The following CLPB variants were observed in gnomAD, a reference collection of about 807,000 sequenced individuals.
CLPB encodes the protein ClpB family mitochondrial disaggregase, also known as mitochondrial disaggregase.
Under a neutral mutation model 78.4 loss-of-function variants are expected in CLPB, and 40 were observed. The observed-to-expected ratio is 0.51, with a 90% confidence interval of 0.40 to 0.66. The LOEUF (loss-of-function observed/expected upper bound fraction) is 0.66, where lower values mean the gene tolerates loss of function less well. Among genes scored for constraint, CLPB ranks in the 30% least tolerant of loss-of-function variants. The pLI, the probability that CLPB is intolerant of heterozygous loss-of-function variation, is 0.00. For synonymous variants in CLPB, 333 were observed against 348.0 expected, an observed-to-expected ratio of 0.96 and a Z score of 0.48; for missense variants, 780 against 886.9, an observed-to-expected ratio of 0.88 and a Z score of 1.53.
chr11:72,397,278 A>G (rs1488863533), intron 3 of CLPB, among the ~76,000 whole-genome samples: 1 of 152,200 alleles, frequency 6.6e-6, no homozygotes, highest in African/African-American at 2.4e-5. Flanking sequence ...TCACCAGTTG[A>G]TGGACATTGC....
chr11:72,417,628 A>AT (rs1367583304), intron 2 of CLPB, among the ~76,000 whole-genome samples: 1 of 152,220 alleles, frequency 6.6e-6, no homozygotes, highest in Non-Finnish European at 1.5e-5. Flanking sequence ...AGAAAAAAGA[A>AT]TGAATGTATA....
At chr11:72,392,772 T>C (rs1476807748) in intron 3 of CLPB, among the ~76,000 whole-genome samples, 1 of 152,158 alleles carries the variant, frequency 6.6e-6, no homozygotes, top group African/African-American at 2.4e-5. Flanking sequence ...TACCCAAATG[T>C]ACACATTAAA....
At position 72,288,211 on chromosome 11, in the gene CLPB, G is replaced by C. The variant is rs1949412604; in HGVS notation, c.*5156C>G. On this transcript the variant is annotated 3_prime_UTR_variant, in exon 16 of 16. Coordinates refer to ENST00000538039, the MANE Select transcript of CLPB (RefSeq NM_001258392.3). ...ATCCTCAATAAGGAATTTGGGGCCG[G>C]GTACAGTCGTTGACGCTTGTAATCT... is the stretch of plus-strand genomic sequence containing the variant. 6.6e-6 allele frequency: 1 copy of C among 152,150 alleles called. No homozygotes were observed. The highest frequency in any genetic ancestry group is 2.1e-4 in the South Asian group (1 of 4,826). 9.4% of individuals were successfully genotyped at this position (152,150 alleles called of 1,614,324 possible).
intron 3 of CLPB, among the ~76,000 whole-genome samples, chr11:72,400,161 G>T (rs1855520269): frequency 6.6e-6 from 1 of 152,138 alleles, no homozygotes; most frequent in South Asian, 2.1e-4. Context: ...TGTGGGCAGG[G>T]ATCTTTGTTT....
intron 2 of CLPB, among the ~76,000 whole-genome samples, chr11:72,426,866 C>A (rs754016280): frequency 4.1e-4 from 63 of 152,170 alleles, no homozygotes; most frequent in Non-Finnish European, 7.6e-4. Context: ...TCCAACCTGA[C>A]CTCCAGCTTC....
intron 5 of CLPB, among the ~76,000 whole-genome samples, chr11:72,338,937 A>G (rs998045761): frequency 4.6e-5 from 7 of 152,282 alleles, no homozygotes; most frequent in African/African-American, 1.7e-4. Context: ...CTGTGGTCAC[A>G]ATGGAGAAAT....
At chr11:72,359,259 A>G in intron 4 of CLPB, 1 of 634,788 alleles carries the variant, frequency 1.6e-6, no homozygotes, top group Non-Finnish European at 2.9e-6. Flanking sequence ...TAGATCAGAT[A>G]AGGTCCCTGA....
At chr11:72,385,260 G>C (rs780444312) in intron 3 of CLPB, among the ~76,000 whole-genome samples, 14 of 152,090 alleles carry the variant, frequency 9.2e-5, no homozygotes, top group Non-Finnish European at 5.9e-5. Flanking sequence ...TATGACCAGA[G>C]GCAGGGACTC....
At chr11:72,369,511 G>C (rs569012562) in intron 4 of CLPB, among the ~76,000 whole-genome samples, 9 of 151,232 alleles carry the variant, frequency 6.0e-5, no homozygotes, top group African/African-American at 2.2e-4. Context: ...GCAGCTCTTT[G>C]CCTCTCGGCA....
chr11:72,293,441 C>G lies in CLPB; in HGVS notation c.1960G>C (p.Asp654His). 2.5e-6 allele frequency: 4 copies of G among 1,614,136 alleles called. No individual in the cohort carries two copies. Among genetic ancestry groups the G allele is most frequent in the Middle Eastern group, 1.7e-4 (1 of 6,060 alleles). The change falls in exon 16 of 16, where the codon GAC becomes CAC. Residue 654 changes from aspartate (D) to histidine (H), a missense_variant. This residue lies in a region of CLPB where 272 missense variants were observed against 304.0 expected (regional missense o/e 0.89). Coordinates refer to ENST00000538039, the MANE Select transcript of CLPB (RefSeq NM_001258392.3). ...AGTCTGCGAGTCTTGCTGTCCTTGTCGATGATCTCCAGACGCAGCTTGGGG... is the reference window on the plus strand; with the variant it reads ...AGTCTGCGAGTCTTGCTGTCCTTGTGGATGATCTCCAGACGCAGCTTGGGG... ...RLPKLRLEIIDKDSKTRRLDI... is the reference protein window; with the variant it reads ...RLPKLRLEIIHKDSKTRRLDI...
rs187846751 is a variant in CLPB at position 72,307,183 on chromosome 11, A to C, written c.1122+16T>G. On this transcript the variant is annotated intron_variant, in intron 9 of 15. Transcript: ENST00000538039. ...TCTCCACGATCTGCAGATCAGACCTAGGTCCCAGTTCTTACCTTTTTAGCA... is the reference window on the plus strand; with the variant it reads ...TCTCCACGATCTGCAGATCAGACCTCGGTCCCAGTTCTTACCTTTTTAGCA... 6.2e-6 allele frequency: 10 copies of C among 1,612,742 alleles called. No homozygotes were observed. Among genetic ancestry groups the C allele is most frequent in the Non-Finnish European group, 8.5e-6 (10 of 1,178,786 alleles).
At chr11:72,406,740 CAT>C (rs1324292195) in intron 2 of CLPB, among the ~76,000 whole-genome samples, 2 of 152,216 alleles carry the variant, frequency 1.3e-5, no homozygotes, top group Non-Finnish European at 2.9e-5. Context: ...ATTCAGCAAA[CAT>C]GTGCACACAC....
intron 3 of CLPB, among the ~76,000 whole-genome samples, chr11:72,390,900 C>T (rs72970611): frequency 0.013 from 1,912 of 152,268 alleles, 22 homozygotes; most frequent in Non-Finnish European, 0.018. Flanking sequence ...TGGGGAGTTG[C>T]GGGCCATCAA....
chr11:72,359,978 G>A (rs1393348686), intron 4 of CLPB, among the ~76,000 whole-genome samples: 3 of 152,154 alleles, frequency 2.0e-5, no homozygotes, highest in African/African-American at 7.2e-5. Flanking sequence ...TACCCAGGGT[G>A]GTCCTGGTTT....
In CLPB at chr11:72,332,358, A is replaced by C. The variant is rs571023648; in HGVS notation, c.776-2554T>G. Among the ~76,000 whole-genome samples, 3 of 151,482 alleles carry C rather than the reference A, an allele frequency of 2.0e-5. No homozygotes were observed. The East Asian group carries it at 5.8e-4, about 29-fold the overall frequency. ...AAAAAAATTAGCCAGGCATGGGGGC[A>C]CATGCCCGTAATCCCAGCTACTCGG... is the stretch of plus-strand genomic sequence containing the variant. On this transcript the variant is annotated intron_variant, in intron 5 of 15. Transcript: ENST00000538039.
rs533062619 is a variant in CLPB at position 72,357,698 on chromosome 11, C to T, written c.775+1182G>A. Reference sequence around the variant, plus strand: ...GCAACAAAAGCAAAACTCCGTGTCCCAGAAAAAAAAAAAAAAAAAAAAAAA... The same window carrying T: ...GCAACAAAAGCAAAACTCCGTGTCCTAGAAAAAAAAAAAAAAAAAAAAAAA... On this transcript the variant is annotated intron_variant, in intron 5 of 15. Coordinates refer to ENST00000538039, the MANE Select transcript of CLPB (RefSeq NM_001258392.3). Among the ~76,000 whole-genome samples the T allele has an allele frequency of 7.0e-5, 7 of 99,300 alleles. No homozygotes were observed. In the East Asian group the frequency reaches 1.8e-3, roughly 26 times the overall value. 65.1% of individuals were successfully genotyped at this position (99,300 alleles called of 152,430 possible). A position where few individuals can be genotyped will look rare whatever the true frequency, so the allele number is the denominator to read the frequency against.
intron 7 of CLPB, among the ~76,000 whole-genome samples, chr11:72,309,211 G>C (rs1949799362): frequency 6.6e-6 from 1 of 152,214 alleles, no homozygotes; most frequent in South Asian, 2.1e-4. Context: ...CAGAGATGCT[G>C]ACCATAGCCT....
At chr11:72,406,264 G>C (rs185673820) in intron 2 of CLPB, among the ~76,000 whole-genome samples, 1 of 152,084 alleles carries the variant, frequency 6.6e-6, no homozygotes, top group Non-Finnish European at 1.5e-5. Context: ...GCCTCCAAGG[G>C]AACAATGACC....
intron 11 of CLPB, among the ~76,000 whole-genome samples, chr11:72,298,289 C>T (rs952797743): frequency 6.6e-6 from 1 of 152,116 alleles, no homozygotes; most frequent in Non-Finnish European, 1.5e-5. Context: ...TCCCTCACAC[C>T]TCCAGCCTGG....
Sources: gnomAD v4.1 joint callset for allele counts (sites outside exome capture counted in the v4.1 genomes callset) on GRCh38, gnomAD v4.1.1 for gene constraint, gnomAD v4.1.1 regional missense constraint, MANE v1.5 for transcripts, NCBI Gene and HGNC (gene_info 2026-07-23, HGNC 2026-07-21) for gene names.